The following FGGY variants were observed in gnomAD, a reference collection of about 807,000 sequenced individuals.
The protein encoded by FGGY is FGGY carbohydrate kinase domain containing.
FGGY carries 72 observed loss-of-function variants against 71.3 expected under a neutral mutation model. The observed-to-expected ratio is 1.01, with a 90% confidence interval of 0.84 to 1.23. The LOEUF (loss-of-function observed/expected upper bound fraction) is 1.23, where lower values mean the gene tolerates loss of function less well. Among genes scored for constraint, FGGY ranks in the 50% most tolerant of loss-of-function variants. The probability of loss-of-function intolerance (pLI) is 0.00; values close to 1 mark genes in which losing one functional copy is unlikely to be tolerated. For synonymous variants in FGGY, 251 were observed against 250.3 expected (o/e 1.00, Z -0.02); for missense variants, 668 against 682.3 (o/e 0.98, Z 0.23).
At chr1:59,716,866 T>A (rs2097849734) in intron 14 of FGGY, among the ~76,000 whole-genome samples, 1 of 152,098 alleles carries the variant, frequency 6.6e-6, no homozygotes, top group Admixed American at 6.5e-5. Context: ...GAAATGGAAG[T>A]GAGAGCTCTC....
intron 7 of FGGY, among the ~76,000 whole-genome samples, chr1:59,515,684 T>C (rs2094627259): frequency 6.6e-6 from 1 of 152,120 alleles, no homozygotes; most frequent in Non-Finnish European, 1.5e-5. Context: ...ATCTGATGGG[T>C]TTATCAGGCT....
intron 14 of FGGY, among the ~76,000 whole-genome samples, chr1:59,713,824 C>G (rs1202887906): frequency 1.3e-5 from 2 of 152,216 alleles, no homozygotes; most frequent in African/African-American, 4.8e-5. Flanking sequence ...ATCAGAAAGG[C>G]TTCCGCCCTG....
Position 59,346,449 on chromosome 1 carries a change from G to C in FGGY, c.465+51G>C, listed in dbSNP as rs373237780. On this transcript the variant is annotated intron_variant, in intron 4 of 15. Coordinates refer to ENST00000303721, the MANE Select transcript of FGGY (RefSeq NM_018291.5). ...ATACCAACAATAGTAGAGGATTCCT[G>C]TTACTGTGGACCTGTAGGTACCAGG... The C allele has an allele frequency of 4.0e-5, 63 of 1,594,790 alleles. No homozygotes were observed. The Admixed American group carries it at 7.6e-4, about 19-fold the overall frequency.
At chr1:59,617,031 G>A (rs2096762645) in intron 9 of FGGY, among the ~76,000 whole-genome samples, 1 of 151,926 alleles carries the variant, frequency 6.6e-6, no homozygotes, top group African/African-American at 2.4e-5. Context: ...CCAATCTCTG[G>A]TTTTAAAATA....
chr1:59,350,670 C>CT (rs2053102477), intron 4 of FGGY, among the ~76,000 whole-genome samples: 1 of 152,066 alleles, frequency 6.6e-6, no homozygotes, highest in African/African-American at 2.4e-5. Context: ...GAGGGGCTGG[C>CT]TTAGGTAACT....
chr1:59,533,180 C>A (rs1165681735), intron 7 of FGGY, among the ~76,000 whole-genome samples: 2 of 152,196 alleles, frequency 1.3e-5, no homozygotes, highest in Non-Finnish European at 2.9e-5. Context: ...CAGGGCAAGG[C>A]ATTGCCTCAC....
At chr1:59,655,286 G>A (rs149248501) in intron 11 of FGGY, among the ~76,000 whole-genome samples, 4 of 152,282 alleles carry the variant, frequency 2.6e-5, no homozygotes, top group African/African-American at 7.2e-5. Context: ...TTTACTTTAC[G>A]TTCTGGGATA....
chr1:59,420,893 A>G (rs916981901), intron 5 of FGGY, among the ~76,000 whole-genome samples: 1 of 146,272 alleles, frequency 6.8e-6, no homozygotes, highest in African/African-American at 2.4e-5. Context: ...AGCTTTGGAC[A>G]TAAGTATTTT....
At chr1:59,612,090 GA>G (rs1363442249) in intron 9 of FGGY, among the ~76,000 whole-genome samples, 1 of 152,192 alleles carries the variant, frequency 6.6e-6, no homozygotes, top group East Asian at 1.9e-4. Context: ...ATATTATCCA[GA>G]ACTTCCCCAA....
At chr1:59,581,903 T>G (rs898566720) in intron 8 of FGGY, among the ~76,000 whole-genome samples, 1 of 149,940 alleles carries the variant, frequency 6.7e-6, no homozygotes. Context: ...TGTTTAGCTA[T>G]CAACTCTGTA....
At chr1:59,695,855 C>T (rs977467934) in intron 14 of FGGY, among the ~76,000 whole-genome samples, 1 of 151,924 alleles carries the variant, frequency 6.6e-6, no homozygotes, top group Non-Finnish European at 1.5e-5. Context: ...ACATATTATC[C>T]TGAGATGTCC....
intron 6 of FGGY, among the ~76,000 whole-genome samples, chr1:59,470,998 C>T (rs576638256): frequency 1.1e-4 from 17 of 152,268 alleles, no homozygotes; most frequent in African/African-American, 3.9e-4. Context: ...CAGGTAATCC[C>T]AGCCTTTTCT....
chr1:59,405,915 A>C lies in FGGY; in HGVS notation c.554+27078A>C, dbSNP rs376499036. Reference sequence around the variant, plus strand: ...TCTACTTCTTAGTGCTTTTTCCCCTAGCTTTTTTTTTTTTCTTTTTGAAAT... The same window carrying C: ...TCTACTTCTTAGTGCTTTTTCCCCTCGCTTTTTTTTTTTTCTTTTTGAAAT... On this transcript the variant is annotated intron_variant, in intron 5 of 15. Transcript: ENST00000303721. Among the ~76,000 whole-genome samples, 25 of 147,182 alleles carry C rather than the reference A, an allele frequency of 1.7e-4. No individual in the cohort carries two copies. In the South Asian group the frequency reaches 5.3e-3, roughly 31 times the overall value.
intron 7 of FGGY, among the ~76,000 whole-genome samples, chr1:59,535,536 T>C (rs916440240): frequency 2.6e-4 from 39 of 152,106 alleles, no homozygotes; most frequent in Non-Finnish European, 1.3e-4. Flanking sequence ...TACATTTTTT[T>C]CAGCACCACA....
intron 5 of FGGY, 73 bp from the exon 6 acceptor site, chr1:59,456,888 G>T (rs1197083384): frequency 1.1e-6 from 1 of 929,944 alleles, no homozygotes; most frequent in Non-Finnish European, 1.7e-6. Context: ...ATACCTGGAC[G>T]GGTATTTTGC....
intron 7 of FGGY, among the ~76,000 whole-genome samples, chr1:59,545,622 A>C (rs1571054356): frequency 6.6e-6 from 1 of 152,208 alleles, no homozygotes; most frequent in Non-Finnish European, 1.5e-5. Context: ...AGCTATACAT[A>C]TTAGCCTACC....
intron 6 of FGGY, among the ~76,000 whole-genome samples, chr1:59,480,477 TCTTCTGCCTACATGTCAATG>T (rs1235807469): frequency 6.6e-6 from 1 of 152,232 alleles, no homozygotes; most frequent in Non-Finnish European, 1.5e-5. Context: ...TCACTCGGTC[TCTTCTGCCTACATGTCAATG>T]GCCAGAACCG....
At chr1:59,721,337 G>GTTTTTTTTCTTTTT (rs2097891906) in intron 14 of FGGY, among the ~76,000 whole-genome samples, 1 of 105,376 alleles carries the variant, frequency 9.5e-6, no homozygotes, top group African/African-American at 4.2e-5. Context: ...TCTTTCCTTT[G>GTTTTTTTTCTTTTT]TTTTTTTTTT....
intron 6 of FGGY, among the ~76,000 whole-genome samples, chr1:59,463,158 A>C (rs1015590967): frequency 4.6e-5 from 7 of 152,222 alleles, no homozygotes; most frequent in Non-Finnish European, 1.0e-4. Context: ...GCAGCCATAA[A>C]AAATGATGAG....
Sources: allele counts gnomAD v4.1 joint callset (sites outside exome capture counted in the v4.1 genomes callset), GRCh38; gene constraint gnomAD v4.1.1; transcripts MANE v1.5; gene names NCBI Gene and HGNC (gene_info 2026-07-23, HGNC 2026-07-21).